The following UBR3 variants were observed in gnomAD, a reference collection of about 807,000 sequenced individuals.
UBR3 encodes the protein E3 ubiquitin-protein ligase UBR3.
A neutral mutation model predicts 243.2 loss-of-function variants in UBR3; 85 were observed. The observed-to-expected ratio is 0.35, with a 90% CI of 0.29 to 0.42. The LOEUF is 0.42. Ranked by LOEUF, UBR3 falls within the 10% of genes least tolerant of loss-of-function variation. UBR3 has a pLI of 1.00. For missense variants in UBR3, 1,686 were observed against 2,300.8 expected (o/e 0.73, Z 5.47); for synonymous variants, 748 against 799.8 (o/e 0.94, Z 1.09).
At chr2:170,043,854 A>G (rs1232699932) in intron 32 of UBR3, among the ~76,000 whole-genome samples, 2 of 152,208 alleles carry the variant, frequency 1.3e-5, no homozygotes, top group South Asian at 2.1e-4. Flanking sequence ...AGATTGGATT[A>G]TCTTGATATT....
At chr2:169,980,412 A>G (rs1446106209) in intron 24 of UBR3, among the ~76,000 whole-genome samples, 1 of 152,216 alleles carries the variant, frequency 6.6e-6, no homozygotes, top group East Asian at 1.9e-4. Context: ...GAAAGGGCCT[A>G]GAAGCAAGGA....
intron 25 of UBR3, among the ~76,000 whole-genome samples, chr2:169,990,743 A>ACACACACACG (rs1283427385): frequency 0.04 from 5,919 of 148,524 alleles, 535 homozygotes; most frequent in Non-Finnish European, 0.051. Flanking sequence ...ACACACACAC[A>ACACACACACG]CACACATAAA....
chr2:169,984,343 T>A (rs1397732206), intron 24 of UBR3, among the ~76,000 whole-genome samples: 1 of 152,186 alleles, frequency 6.6e-6, no homozygotes, highest in Non-Finnish European at 1.5e-5. Flanking sequence ...TGAATCCAGA[T>A]TGAGAAACCA....
chr2:169,944,531 A>G (rs2086713654), intron 20 of UBR3, among the ~76,000 whole-genome samples: 2 of 152,168 alleles, frequency 1.3e-5, no homozygotes, highest in African/African-American at 2.4e-5. Context: ...CTTTAAAATA[A>G]CTTTCTTGAT....
intron 8 of UBR3, among the ~76,000 whole-genome samples, chr2:169,901,049 A>C (rs148080624): frequency 6.6e-6 from 1 of 152,152 alleles, no homozygotes; most frequent in East Asian, 1.9e-4. Context: ...ACCTTGCTTG[A>C]TTTTCAGTAG....
chr2:170,028,188 G>A (rs2090580635), intron 30 of UBR3, among the ~76,000 whole-genome samples: 1 of 151,700 alleles, frequency 6.6e-6, no homozygotes, highest in African/African-American at 2.4e-5. Flanking sequence ...GCCCCATAGA[G>A]TAGAACATTT....
chr2:170,006,175 ATCT>A (rs143864114), intron 27 of UBR3, among the ~76,000 whole-genome samples: 1,724 of 152,242 alleles, frequency 0.011, 37 homozygotes, highest in African/African-American at 0.04. Context: ...TAGCTCACAA[ATCT>A]TCTTCTCTGG....
intron 36 of UBR3, chr2:170,078,339 G>T: frequency 3.8e-6 from 1 of 263,642 alleles, no homozygotes; most frequent in Non-Finnish European, 7.3e-6. Context: ...CTCAATTTTT[G>T]GGTCTCAGAG....
chr2:169,885,178 C>T (rs558531024), intron 5 of UBR3, among the ~76,000 whole-genome samples: 2 of 152,216 alleles, frequency 1.3e-5, no homozygotes, highest in South Asian at 2.1e-4. Context: ...TAAGCAAACC[C>T]TTTTCATGAT....
chr2:170,030,553 A>G (rs573109228), intron 31 of UBR3, among the ~76,000 whole-genome samples: 6 of 152,248 alleles, frequency 3.9e-5, no homozygotes, highest in Admixed American at 6.5e-5. Flanking sequence ...TCCTAATAAT[A>G]TTAACATAAT....
intron 36 of UBR3, 113 bp downstream of exon 36, chr2:170,073,720 T>C (rs1574483736): frequency 9.1e-7 from 1 of 1,095,608 alleles, no homozygotes; most frequent in East Asian, 2.8e-5. Flanking sequence ...ATTATAAAAC[T>C]TGATTAAATT....
intron 32 of UBR3, among the ~76,000 whole-genome samples, chr2:170,048,080 C>T (rs1373240895): frequency 6.6e-6 from 1 of 152,160 alleles, no homozygotes; most frequent in African/African-American, 2.4e-5. Context: ...GAGCTGGCTT[C>T]TGCTTACTCC....
chr2:169,849,496 T>C (rs879748305), intron 1 of UBR3, among the ~76,000 whole-genome samples: 2 of 152,192 alleles, frequency 1.3e-5, no homozygotes, highest in Non-Finnish European at 2.9e-5. Flanking sequence ...GGTTTCACCA[T>C]GTTGGCCAGG....
Position 169,947,569 on chromosome 2 carries a change from C to A in UBR3, c.2938C>A (p.His980Asn). Residue 980 changes from histidine to asparagine, a missense_variant, in exon 22 of 39, where the codon CAT (histidine) becomes AAT (asparagine). Around this residue, in one of 8 missense-constraint regions of UBR3, gnomAD observed 300 missense variants for 314.4 expected, o/e 0.95. Coordinates refer to ENST00000272793, the MANE Select transcript of UBR3 (RefSeq NM_172070.4). ...EASVGGPERC[H>N]DSWFPGSNLV... ...ATCAGTGGGTGGACCAGAACGTTGTCATGACAGTTGGTTTCCTGGCAGTAA... is the reference window on the plus strand; with the variant it reads ...ATCAGTGGGTGGACCAGAACGTTGTAATGACAGTTGGTTTCCTGGCAGTAA... 6.6e-7 allele frequency: 1 copy of A among 1,516,498 alleles called. No individual in the cohort carries two copies. The highest frequency in any genetic ancestry group is 1.3e-5 in the South Asian group (1 of 76,842). The allele number at this position is 1,516,498 out of a possible 1,614,324, so 93.9% of individuals were successfully genotyped here. A position where few individuals can be genotyped will look rare whatever the true frequency, so the allele number is the denominator to read the frequency against.
intron 23 of UBR3, among the ~76,000 whole-genome samples, chr2:169,957,408 C>T (rs752843774): frequency 2.9e-4 from 44 of 151,980 alleles, no homozygotes; most frequent in Non-Finnish European, 5.1e-4. Flanking sequence ...TCATGTCCTT[C>T]GTAGGGACAT....
At chr2:169,895,763 G>T (rs377110340) in intron 7 of UBR3, among the ~76,000 whole-genome samples, 25 of 152,300 alleles carry the variant, frequency 1.6e-4, no homozygotes, top group African/African-American at 6.0e-4. Context: ...AACAGTTATT[G>T]ACTCATATAC....
intron 5 of UBR3, among the ~76,000 whole-genome samples, chr2:169,887,258 C>G (rs1307925698): frequency 6.6e-6 from 1 of 152,142 alleles, no homozygotes; most frequent in East Asian, 1.9e-4. Context: ...TGCTCAGGGT[C>G]TATTTAAGGT....
At chr2:170,011,471 A>G (rs2090079549) in intron 29 of UBR3, among the ~76,000 whole-genome samples, 1 of 152,116 alleles carries the variant, frequency 6.6e-6, no homozygotes, top group South Asian at 2.1e-4. Flanking sequence ...TTGCACATTT[A>G]TTTGTATTTA....
intron 1 of UBR3, among the ~76,000 whole-genome samples, chr2:169,857,502 C>T (rs149795819): frequency 0.057 from 8,713 of 151,660 alleles, 470 homozygotes; most frequent in African/African-American, 0.14. Context: ...CTGCAACATC[C>T]GCCTCCCAAG....
Sources: gnomAD v4.1 joint callset for allele counts (sites outside exome capture counted in the v4.1 genomes callset) on GRCh38, gnomAD v4.1.1 for gene constraint, gnomAD v4.1.1 regional missense constraint, MANE v1.5 for transcripts, NCBI Gene and HGNC (gene_info 2026-07-23, HGNC 2026-07-21) for gene names.